Variants in PLEKHA7 observed in about 807,000 individuals in gnomAD.
PLEKHA7 encodes the protein pleckstrin homology domain-containing family A member 7.
A neutral mutation model predicts 170.0 loss-of-function variants in PLEKHA7; 104 were observed. The observed-to-expected ratio is 0.61, with a 90% confidence interval of 0.52 to 0.72. PLEKHA7 has a LOEUF of 0.72. Among genes scored for constraint, PLEKHA7 ranks in the 30% least tolerant of loss-of-function variants. PLEKHA7 has a pLI of 0.00. For missense variants in PLEKHA7, 1,615 were observed against 1,671.7 expected (o/e 0.97, Z 0.59); for synonymous variants, 648 against 660.8 (o/e 0.98, Z 0.30).
chr11:16,861,025 C>A (rs923748336), intron 4 of PLEKHA7, among the ~76,000 whole-genome samples: 2 of 152,182 alleles, frequency 1.3e-5, no homozygotes, highest in Non-Finnish European at 2.9e-5. Flanking sequence ...CCAGTGAAGA[C>A]CCCAGAATTT....
intron 3 of PLEKHA7, among the ~76,000 whole-genome samples, chr11:16,986,171 T>G (rs942982354): frequency 6.6e-6 from 1 of 152,086 alleles, no homozygotes; most frequent in Non-Finnish European, 1.5e-5. Flanking sequence ...GAAGCCCAAG[T>G]CAGGACACCT....
chr11:16,958,606 G>A (rs7121911), intron 3 of PLEKHA7, among the ~76,000 whole-genome samples: 75,781 of 151,904 alleles, frequency 0.5, 19,484 homozygotes, highest in East Asian at 0.74. Context: ...AATTTTCTAC[G>A]GTCTAATATG....
intron 3 of PLEKHA7, among the ~76,000 whole-genome samples, chr11:16,896,289 G>A (rs571268503): frequency 6.6e-6 from 1 of 152,242 alleles, no homozygotes; most frequent in Non-Finnish European, 1.5e-5. Flanking sequence ...GGTCACCAAG[G>A]AGCACTTGGA....
At chr11:16,846,908 G>A (rs1378562883) in intron 8 of PLEKHA7, among the ~76,000 whole-genome samples, 1 of 152,004 alleles carries the variant, frequency 6.6e-6, no homozygotes, top group African/African-American at 2.4e-5. Context: ...AGGTCTGGGT[G>A]GGTGAATCAA....
At chr11:16,951,136 C>A (rs1861380219) in intron 3 of PLEKHA7, among the ~76,000 whole-genome samples, 1 of 152,310 alleles carries the variant, frequency 6.6e-6, no homozygotes, top group African/African-American at 2.4e-5. Flanking sequence ...AGTTTATCAT[C>A]CATATTGCAA....
intron 12 of PLEKHA7, among the ~76,000 whole-genome samples, chr11:16,814,803 G>A (rs924891760): frequency 2.0e-5 from 3 of 152,188 alleles, no homozygotes; most frequent in African/African-American, 4.8e-5. Flanking sequence ...AAGAGAGGGC[G>A]CCCTGCATCT....
chr11:16,868,148 C>A (rs539498466), intron 4 of PLEKHA7, among the ~76,000 whole-genome samples: 1 of 152,262 alleles, frequency 6.6e-6, no homozygotes, highest in African/African-American at 2.4e-5. Context: ...GGTCCCTAAG[C>A]CAGGTTAGAG....
intron 10 of PLEKHA7, among the ~76,000 whole-genome samples, chr11:16,822,982 ATTATTTAT>A (rs147244386): frequency 1.1e-3 from 164 of 150,024 alleles, no homozygotes; most frequent in Middle Eastern, 3.4e-3. Context: ...GTATGTATGT[ATTATTTAT>A]TTATTTATTT....
At position 16,805,632 on chromosome 11, in the gene PLEKHA7, A is replaced by T. The variant is rs752357966; in HGVS notation, c.2008-2337T>A. Reference sequence around the variant, plus strand: ...TGGTGAAACCCCATCTCTACTAAAAATACAAAAATTAGCCAGGCACAGTGC... The same window carrying T: ...TGGTGAAACCCCATCTCTACTAAAATTACAAAAATTAGCCAGGCACAGTGC... On this transcript the variant is annotated intron_variant, in intron 13 of 26. Transcript: ENST00000531066. Among the ~76,000 whole-genome samples the T allele has an allele frequency of 2.9e-4, 44 of 151,966 alleles. 1 individual carries two copies. The highest frequency in any genetic ancestry group is 7.2e-4 in the Admixed American group (11 of 15,244).
intron 3 of PLEKHA7, among the ~76,000 whole-genome samples, chr11:16,880,300 G>C (rs1422018222): frequency 6.6e-6 from 1 of 152,294 alleles, no homozygotes; most frequent in Non-Finnish European, 1.5e-5. Flanking sequence ...TCAAATCCCA[G>C]CTCTGCCACA....
rs547571530 is a variant in PLEKHA7 at position 16,783,722 on chromosome 11, G to A, written c.3628C>T (p.Arg1210Cys). The change falls in exon 25 of 27, where the codon CGC (arginine) becomes TGC (cysteine). Residue 1210 changes from arginine (R) to cysteine (C), a missense_variant. By Grantham distance (180) the Arg-to-Cys change is radical (BLOSUM62 -3). Transcript: ENST00000531066. ...QARYRKAEKI[R>C]NILARSSMCN... ...GACCTTGACCGGGCGAGGATGTTGC[G>A]GATCTTCTCGGCTTTGCGGTACCGC... The A allele has an allele frequency of 1.3e-5, 19 of 1,477,992 alleles. No individual in the cohort carries two copies. Among genetic ancestry groups the A allele is most frequent in the African/African-American group, 4.3e-5 (3 of 70,284 alleles). The allele number at this position is 1,477,992 out of a possible 1,614,324, so 91.6% of individuals were successfully genotyped here. A position where few individuals can be genotyped will look rare whatever the true frequency, so the allele number is the denominator to read the frequency against.
At chr11:16,790,623 T>C (rs1363587367) in intron 21 of PLEKHA7, 175 bp downstream of exon 21, 3 of 608,544 alleles carry the variant, frequency 4.9e-6, no homozygotes, top group Non-Finnish European at 8.7e-6. Context: ...AGAATCAGGA[T>C]GTGGGCCAGA....
chr11:16,923,258 T>C (rs1859232055), intron 3 of PLEKHA7, among the ~76,000 whole-genome samples: 1 of 152,184 alleles, frequency 6.6e-6, no homozygotes, highest in African/African-American at 2.4e-5. Context: ...AGCAGACTTT[T>C]CATAATAGAA....
chr11:16,781,107 C>A, intron 26 of PLEKHA7: 1 of 741,802 alleles, frequency 1.3e-6, no homozygotes, highest in Non-Finnish European at 1.6e-6. Context: ...TCAGCTCCTG[C>A]AGCACCAGAT....
At chr11:16,894,590 G>A (rs551541229) in intron 3 of PLEKHA7, among the ~76,000 whole-genome samples, 3 of 151,876 alleles carry the variant, frequency 2.0e-5, no homozygotes, top group African/African-American at 7.3e-5. Context: ...TCCAATCATA[G>A]CTCCACACTC....
chr11:16,927,611 A>C (rs542041246), intron 3 of PLEKHA7, among the ~76,000 whole-genome samples: 98 of 152,370 alleles, frequency 6.4e-4, no homozygotes, highest in African/African-American at 2.3e-3. Flanking sequence ...GACTCCTTTG[A>C]ATAATAACTT....
chr11:16,853,111 T>A (rs1853119174), intron 6 of PLEKHA7, among the ~76,000 whole-genome samples: 2 of 152,156 alleles, frequency 1.3e-5, no homozygotes, highest in Admixed American at 6.6e-5. Flanking sequence ...TTTGAGAGGC[T>A]GAGGCAGGAA....
chr11:16,957,510 G>A (rs548828961), intron 3 of PLEKHA7, among the ~76,000 whole-genome samples: 13 of 152,150 alleles, frequency 8.5e-5, no homozygotes, highest in Non-Finnish European at 1.9e-4. Context: ...TTGGTTTCCA[G>A]AAGCTGAGAG....
At chr11:16,907,065 G>C (rs989011948) in intron 3 of PLEKHA7, among the ~76,000 whole-genome samples, 2 of 145,282 alleles carry the variant, frequency 1.4e-5, no homozygotes, top group Non-Finnish European at 3.0e-5. Context: ...CTCCGTCTGG[G>C]AAGCGAGGAG....
Sources: gnomAD v4.1 joint callset for allele counts (sites outside exome capture counted in the v4.1 genomes callset) on GRCh38, gnomAD v4.1.1 for gene constraint, MANE v1.5 for transcripts, NCBI Gene and HGNC (gene_info 2026-07-23, HGNC 2026-07-21) for gene names.